Variants in SRGAP2B observed in about 807,000 individuals in gnomAD.
SRGAP2B encodes the protein SLIT-ROBO Rho GTPase activating protein 2B.
Under a neutral mutation model 22.2 loss-of-function variants are expected in SRGAP2B, and 9 were observed. The observed-to-expected ratio is 0.41, with a 90% CI of 0.24 to 0.71. The LOEUF (loss-of-function observed/expected upper bound fraction) is 0.71, where lower values mean the gene tolerates loss of function less well. Among genes scored for constraint, SRGAP2B ranks in the 30% least tolerant of loss-of-function variants. The pLI is 0.35. For synonymous variants in SRGAP2B, 36 were observed against 87.4 expected (o/e 0.41, Z 3.28); for missense variants, 114 against 235.8 (o/e 0.48, Z 3.38).
intron 3 of SRGAP2B, among the ~76,000 whole-genome samples, chr1:144,978,892 C>A (rs1553614561): frequency 6.7e-6 from 1 of 149,696 alleles, no homozygotes; most frequent in African/African-American, 2.5e-5. Flanking sequence ...TTATGGCTTC[C>A]CTGAACTATG....
At chr1:145,013,834 A>C (rs1362659862) in intron 2 of SRGAP2B, among the ~76,000 whole-genome samples, 1 of 150,896 alleles carries the variant, frequency 6.6e-6, no homozygotes, top group African/African-American at 2.5e-5. Flanking sequence ...AGATATATCA[A>C]GTGAGTATGC....
At chr1:144,987,125 C>A (rs1277336915) in intron 3 of SRGAP2B, among the ~76,000 whole-genome samples, 2 of 152,280 alleles carry the variant, frequency 1.3e-5, no homozygotes, top group South Asian at 2.1e-4. Context: ...AATCTCTCTT[C>A]TTTGTGCACC....
At chr1:144,904,238 G>T (rs1428551136) in intron 7 of SRGAP2B, among the ~76,000 whole-genome samples, 1 of 148,736 alleles carries the variant, frequency 6.7e-6, no homozygotes, top group Non-Finnish European at 1.5e-5. Context: ...CTAGCAACTG[G>T]AGACAGCAAT....
In SRGAP2B at chr1:145,068,277, C is replaced by T. The variant is rs1318502397; in HGVS notation, c.67+24558G>A. On this transcript the variant is annotated intron_variant, in intron 2 of 9. Transcript: ENST00000612199. The stretch of plus-strand genomic sequence containing the variant: ...GACTTCCTCAGTCTTGTTAATAACT[C>T]TATCTCTAGCACCAGACCAGAGCCT... Among the ~76,000 whole-genome samples the T allele has an allele frequency of 1.3e-4, 19 of 147,938 alleles. 1 individual carries two copies. Among genetic ancestry groups the T allele is most frequent in the African/African-American group, 3.3e-4 (13 of 38,818 alleles).
intron 4 of SRGAP2B, chr1:144,918,396 C>T (rs1664024016): frequency 6.8e-6 from 1 of 148,082 alleles, no homozygotes; most frequent in African/African-American, 2.6e-5. Flanking sequence ...AAACTCACCA[C>T]AACCATTTGG....
intron 7 of SRGAP2B, among the ~76,000 whole-genome samples, chr1:144,898,546 C>G (rs1459766306): frequency 2.0e-5 from 3 of 149,674 alleles, no homozygotes; most frequent in African/African-American, 7.6e-5. Context: ...GCTCTGAGGT[C>G]CGGGTCCTAA....
intron 4 of SRGAP2B, among the ~76,000 whole-genome samples, chr1:144,949,019 G>A (rs1553608914): frequency 4.8e-5 from 1 of 20,846 alleles, no homozygotes; most frequent in Non-Finnish European, 8.6e-5. Context: ...TTTCTCTTGG[G>A]TAGATGCCTA....
In SRGAP2B at chr1:145,089,277, T is replaced by A. The variant is rs587621951; in HGVS notation, c.67+3558A>T. Among the ~76,000 whole-genome samples, 1,082 of 150,770 alleles carry A rather than the reference T, an allele frequency of 7.2e-3. 16 individuals are homozygous for A. Among genetic ancestry groups the A allele is most frequent in the South Asian group, 0.014 (68 of 4,750 alleles). Reference sequence around the variant, plus strand: ...CTTTCAAGTCAGACATTGAGAGGCATGAACTTTCCAAGGAATGTGGGCACC... The same window carrying A: ...CTTTCAAGTCAGACATTGAGAGGCAAGAACTTTCCAAGGAATGTGGGCACC... On this transcript the variant is annotated intron_variant, in intron 2 of 9. Transcript: ENST00000612199.
intron 2 of SRGAP2B, among the ~76,000 whole-genome samples, chr1:145,039,387 A>T (rs1648998734): frequency 1.0e-5 from 1 of 96,314 alleles, no homozygotes; most frequent in Non-Finnish European, 2.2e-5. Context: ...AGGTGGGAGG[A>T]TCACTCGAGC....
intron 2 of SRGAP2B, among the ~76,000 whole-genome samples, chr1:145,002,816 A>G (rs1553620226): frequency 1.4e-5 from 2 of 140,854 alleles, no homozygotes; most frequent in African/African-American, 5.5e-5. Flanking sequence ...GTTATTGTAT[A>G]CTATAAGGAC....
intron 3 of SRGAP2B, among the ~76,000 whole-genome samples, chr1:144,966,160 G>A (rs1281154939): frequency 9.4e-5 from 14 of 148,572 alleles, no homozygotes; most frequent in Non-Finnish European, 1.6e-4. Context: ...GACACTCCTC[G>A]AGAAGAGCAA....
chr1:145,045,079 G>A (rs1355408544), intron 2 of SRGAP2B, among the ~76,000 whole-genome samples: 3 of 141,490 alleles, frequency 2.1e-5, no homozygotes, highest in South Asian at 2.4e-4. Flanking sequence ...AAAAAGGATC[G>A]ATACCATCCT....
At chr1:145,068,328 T>C (rs1395870522) in intron 2 of SRGAP2B, among the ~76,000 whole-genome samples, 1 of 143,932 alleles carries the variant, frequency 6.9e-6, no homozygotes, top group Non-Finnish European at 1.5e-5. Flanking sequence ...TACATAATCA[T>C]GTGTTGAGTA....
intron 1 of SRGAP2B, among the ~76,000 whole-genome samples, chr1:145,094,310 G>A (rs1191310778): frequency 6.0e-5 from 1 of 16,748 alleles, no homozygotes; most frequent in African/African-American, 2.9e-4. Context: ...GGACGCAAGC[G>A]GGAGCGCGGA....
intron 2 of SRGAP2B, among the ~76,000 whole-genome samples, chr1:145,056,887 A>G (rs1212466675): frequency 8.2e-6 from 1 of 122,532 alleles, no homozygotes; most frequent in Non-Finnish European, 1.7e-5. Flanking sequence ...TAAATGTTGA[A>G]TTAAAGATCA....
At chr1:144,981,087 TTTC>T (rs1273848756) in intron 3 of SRGAP2B, among the ~76,000 whole-genome samples, 1 of 150,246 alleles carries the variant, frequency 6.7e-6, no homozygotes, top group Admixed American at 6.6e-5. Flanking sequence ...GAGACTGTCT[TTTC>T]TTCTTATCTT....
intron 2 of SRGAP2B, among the ~76,000 whole-genome samples, chr1:145,044,331 A>T (rs1649499769): frequency 8.2e-6 from 1 of 121,924 alleles, no homozygotes; most frequent in Admixed American, 8.4e-5. Context: ...CATCTAAAAC[A>T]ATTAATAGTG....
intron 2 of SRGAP2B, among the ~76,000 whole-genome samples, chr1:145,021,722 G>C (rs1265455849): frequency 1.3e-5 from 2 of 149,226 alleles, no homozygotes; most frequent in Non-Finnish European, 2.9e-5. Flanking sequence ...GCTGACGCAG[G>C]AGAATCTCTT....
At position 144,964,642 on chromosome 1, in the gene SRGAP2B, C is replaced by A. The variant is rs1390825994; in HGVS notation, c.261-9041G>T. 4.0e-5 allele frequency among the ~76,000 whole-genome samples: 6 copies of A among 151,294 alleles called. No individual in the cohort carries two copies. The South Asian group carries it at 6.2e-4, about 16-fold the overall frequency. On this transcript the variant is annotated intron_variant, in intron 3 of 9. Transcript: ENST00000612199. ...AACTCCATCTACACTCTGTGGAAAG[C>A]GCCTTGAACTATGCTTAAGACACAG...
Sources: gnomAD v4.1 joint callset for allele counts (sites outside exome capture counted in the v4.1 genomes callset) on GRCh38, gnomAD v4.1.1 for gene constraint, MANE v1.5 for transcripts, NCBI Gene and HGNC (gene_info 2026-07-23, HGNC 2026-07-21) for gene names.